EXOC5: variants seen among roughly 807,000 people sequenced by gnomAD.
EXOC5 encodes the protein exocyst complex component 5, also known as SEC10-like 1.
In EXOC5, 17 loss-of-function variants were observed where a neutral mutation model predicts 90.8. The ratio of observed to expected loss-of-function variants is 0.19; its 90% CI spans 0.13 to 0.28. The LOEUF (loss-of-function observed/expected upper bound fraction) is 0.28, where lower values mean the gene tolerates loss of function less well. Among genes scored for constraint, EXOC5 ranks in the 10% least tolerant of loss-of-function variants. EXOC5 has a pLI of 1.00. For missense variants in EXOC5, 569 were observed against 830.6 expected (o/e 0.69, Z 3.87); for synonymous variants, 260 against 270.0 (o/e 0.96, Z 0.36).
chr14:57,222,624 G>C (rs2139622361), intron 12 of EXOC5, among the ~76,000 whole-genome samples: 1 of 151,620 alleles, frequency 6.6e-6, no homozygotes, highest in East Asian at 1.9e-4. Flanking sequence ...TCCTGACTTA[G>C]AGTAATGTTT....
chr14:57,208,625 G>A lies in EXOC5; in HGVS notation c.2111C>T (p.Ala704Val). 6.2e-7 allele frequency: 1 copy of A among 1,602,346 alleles called. No individual in the cohort carries two copies. Among genetic ancestry groups the A allele is most frequent in the Non-Finnish European group, 8.5e-7 (1 of 1,171,932 alleles). The part of the protein sequence containing the change: ...LRADYRSARL[A>V]RHFS ...AATTCAATCTCAGCTGAAGTGTCGAGCAAGGCGGGCAGATCTATAATCAGC... is the reference window on the plus strand; with the variant it reads ...AATTCAATCTCAGCTGAAGTGTCGAACAAGGCGGGCAGATCTATAATCAGC... The change falls in exon 18 of 18, where the codon GCT becomes GTT. Residue 704 changes from alanine to valine, a missense_variant. Physicochemically the swap from Ala to Val is moderately conservative, Grantham distance 64. Coordinates refer to ENST00000621441, the MANE Select transcript of EXOC5 (RefSeq NM_006544.4).
intron 11 of EXOC5, 81 bp downstream of exon 11, chr14:57,231,425 C>G (rs1883482975): frequency 3.5e-6 from 3 of 866,640 alleles, no homozygotes. Context: ...TAATGATAGT[C>G]AACATTTGAT....
At chr14:57,259,256 A>G (rs971958260) in intron 1 of EXOC5, among the ~76,000 whole-genome samples, 1 of 151,924 alleles carries the variant, frequency 6.6e-6, no homozygotes, top group African/African-American at 2.4e-5. Context: ...GCGCCATCAC[A>G]TCCGGCTAAT....
chr14:57,238,665 T>C (rs956968640), intron 5 of EXOC5, among the ~76,000 whole-genome samples: 18 of 151,982 alleles, frequency 1.2e-4, no homozygotes, highest in Middle Eastern at 6.8e-3. Context: ...TTAAGAATGA[T>C]AGATGATCAT....
intron 1 of EXOC5, among the ~76,000 whole-genome samples, chr14:57,262,647 CAT>C (rs1176298747): frequency 4.3e-5 from 6 of 138,014 alleles, no homozygotes; most frequent in Admixed American, 1.5e-4. Flanking sequence ...AGTATATATA[CAT>C]ATATACATAT....
chr14:57,233,688 GA>G, intron 9 of EXOC5, 54 bp downstream of exon 9: 2 of 1,100,660 alleles, frequency 1.8e-6, no homozygotes, highest in African/African-American at 1.6e-5. Flanking sequence ...AAAATATAGG[GA>G]AAAAATTACA....
chr14:57,225,422 T>C (rs1179663888), intron 12 of EXOC5, among the ~76,000 whole-genome samples: 2 of 152,158 alleles, frequency 1.3e-5, no homozygotes, highest in South Asian at 2.1e-4. Flanking sequence ...TCAGAAATAA[T>C]GCAAAGTGTT....
intron 14 of EXOC5, 38 bp from the exon 15 acceptor site, chr14:57,218,106 T>C: frequency 2.0e-6 from 2 of 1,025,012 alleles, no homozygotes; most frequent in Non-Finnish European, 3.0e-6. Context: ...ATCATATTAA[T>C]AGTCTAATAT....
Position 57,247,710 on chromosome 14 carries a change from C to G in EXOC5, c.30G>C (p.Glu10Asp), listed in dbSNP as rs35132458. Residue 10 changes from glutamate (E) to aspartate (D), a missense_variant and splice_region_variant, in exon 2 of 18, where the codon GAG becomes GAC. Glu to Asp is a conservative substitution (Grantham distance 45). Transcript: ENST00000621441. ...CAATATATTCATCTGCCACAAAAGG[C>G]TCCTAGTTTACAAAAAAATACGCTT... MATTAELFE[E>D]PFVADEYIER... 1 of 1,525,136 alleles carries G rather than the reference C, an allele frequency of 6.6e-7. No homozygotes were observed. Among genetic ancestry groups the G allele is most frequent in the Non-Finnish European group, 8.9e-7 (1 of 1,128,562 alleles). 94.5% of individuals were successfully genotyped at this position (1,525,136 alleles called of 1,614,324 possible).
intron 15 of EXOC5, among the ~76,000 whole-genome samples, chr14:57,210,606 G>A (rs1366549885): frequency 6.6e-6 from 1 of 152,008 alleles, no homozygotes; most frequent in Non-Finnish European, 1.5e-5. Flanking sequence ...TATGTTCATT[G>A]AGCCATCAGA....
intron 6 of EXOC5, among the ~76,000 whole-genome samples, chr14:57,236,525 A>C (rs1306978373): frequency 6.6e-6 from 1 of 151,880 alleles, no homozygotes; most frequent in Non-Finnish European, 1.5e-5. Context: ...ACCTCAGGTG[A>C]TCCACCCGCC....
intron 12 of EXOC5, among the ~76,000 whole-genome samples, chr14:57,225,013 G>A (rs917889833): frequency 1.3e-5 from 2 of 152,014 alleles, no homozygotes; most frequent in Admixed American, 6.6e-5. Context: ...AGTGAGCCGA[G>A]ATCGTGCCAC....
At chr14:57,253,605 C>T (rs887439623) in intron 1 of EXOC5, among the ~76,000 whole-genome samples, 4 of 152,112 alleles carry the variant, frequency 2.6e-5, no homozygotes, top group African/African-American at 9.7e-5. Context: ...AATTTCAAAA[C>T]TTACTACAAA....
chr14:57,256,123 A>G (rs1884343100), intron 1 of EXOC5, among the ~76,000 whole-genome samples: 1 of 152,094 alleles, frequency 6.6e-6, no homozygotes, highest in South Asian at 2.1e-4. Context: ...GCCTGGTCAT[A>G]TTGTCTCTTT....
At chr14:57,248,758 A>G (rs886950704) in intron 1 of EXOC5, among the ~76,000 whole-genome samples, 1 of 152,128 alleles carries the variant, frequency 6.6e-6, no homozygotes, top group Non-Finnish European at 1.5e-5. Flanking sequence ...TTTTTCTTAA[A>G]CCTTTAAAGA....
rs763591165 is a variant in EXOC5 at position 57,209,780 on chromosome 14, G to A, written c.1725C>T (p.Ala575=). 2.5e-6 allele frequency: 4 copies of A among 1,602,644 alleles called. No individual in the cohort carries two copies. The South Asian group carries it at 4.4e-5, about 18-fold the overall frequency. Residue 575 remains alanine (A), a splice_region_variant and synonymous_variant, in exon 17 of 18, where the codon GCC becomes GCT. Transcript: ENST00000621441. ...TTACGTAAGCACAGACTTTTACACA[G>A]GCCTATAAAAGTTTTTCTACACTCA... The part of the protein sequence containing the change: ...ENNVLIQYTN[A]CVKVCAYVRK...
At chr14:57,266,945 G>C (rs746378136) in intron 1 of EXOC5, among the ~76,000 whole-genome samples, 1 of 152,042 alleles carries the variant, frequency 6.6e-6, no homozygotes, top group Admixed American at 6.5e-5. Context: ...AGGTACAACT[G>C]GAACTGTCAA....
At chr14:57,264,002 C>T (rs914564646) in intron 1 of EXOC5, among the ~76,000 whole-genome samples, 1 of 152,106 alleles carries the variant, frequency 6.6e-6, no homozygotes, top group African/African-American at 2.4e-5. Context: ...TCCTAATAAT[C>T]CCTGGAAAAG....
intron 9 of EXOC5, 88 bp from the exon 10 acceptor site, chr14:57,232,837 A>C (rs1294753619): frequency 1.7e-6 from 1 of 599,858 alleles, no homozygotes; most frequent in Non-Finnish European, 2.9e-6. Context: ...AATTCACTCC[A>C]CAGTTTTGAA....
Sources: gnomAD v4.1 joint callset for allele counts (sites outside exome capture counted in the v4.1 genomes callset) on GRCh38, gnomAD v4.1.1 for gene constraint, MANE v1.5 for transcripts, NCBI Gene and HGNC (gene_info 2026-07-23, HGNC 2026-07-21) for gene names.